SNTB2: variants seen among roughly 807,000 people sequenced by gnomAD.
SNTB2 encodes the protein syntrophin beta 2.
In SNTB2, 34 loss-of-function variants were observed where a neutral mutation model predicts 46.2. That is an observed-to-expected ratio of 0.74 (90% CI 0.56 to 0.98). The LOEUF (loss-of-function observed/expected upper bound fraction) is 0.98. Ranked by LOEUF, SNTB2 falls within the 50% of genes least tolerant of loss-of-function variation. The pLI is 0.00. For missense variants in SNTB2, 603 were observed against 731.4 expected (o/e 0.82, Z 2.02); for synonymous variants, 290 against 312.6 (o/e 0.93, Z 0.76).
intron 1 of SNTB2, among the ~76,000 whole-genome samples, chr16:69,231,613 G>A (rs1043351827): frequency 2.2e-4 from 33 of 152,044 alleles, no homozygotes; most frequent in African/African-American, 7.7e-4. Context: ...AAACAAAACA[G>A]ATGTAGCCTA....
At chr16:69,255,217 C>T (rs1964761720) in intron 2 of SNTB2, among the ~76,000 whole-genome samples, 1 of 152,028 alleles carries the variant, frequency 6.6e-6, no homozygotes, top group Admixed American at 6.6e-5. Flanking sequence ...CCCGCCTCAG[C>T]CTCGCTAGTA....
chr16:69,291,102 A>T (rs998847998), intron 5 of SNTB2, among the ~76,000 whole-genome samples: 4 of 152,230 alleles, frequency 2.6e-5, no homozygotes, highest in Non-Finnish European at 5.9e-5. Context: ...GACCCTGGGC[A>T]TGATGAACCT....
intron 1 of SNTB2, among the ~76,000 whole-genome samples, chr16:69,212,229 C>T (rs1403522473): frequency 2.0e-5 from 3 of 152,134 alleles, no homozygotes; most frequent in African/African-American, 4.8e-5. Flanking sequence ...TGGGACTCTT[C>T]TACTTGTCTT....
chr16:69,198,510 G>C (rs1964127799), intron 1 of SNTB2, among the ~76,000 whole-genome samples: 1 of 152,146 alleles, frequency 6.6e-6, no homozygotes, highest in Non-Finnish European at 1.5e-5. Flanking sequence ...GGAAGATGTA[G>C]TCCATTCTTA....
intron 1 of SNTB2, among the ~76,000 whole-genome samples, chr16:69,214,471 G>A (rs2152292642): frequency 6.6e-6 from 1 of 151,886 alleles, no homozygotes; most frequent in Non-Finnish European, 1.5e-5. Context: ...TTTGTGTAGT[G>A]TGTTGTGGCT....
At chr16:69,284,428 C>A (rs1947043865) in intron 5 of SNTB2, among the ~76,000 whole-genome samples, 184 bp downstream of exon 5, 2 of 135,404 alleles carry the variant, frequency 1.5e-5, no homozygotes, top group South Asian at 4.5e-4. Context: ...ACAAATGCAG[C>A]CTGGGCAACA....
chr16:69,266,190 C>A (rs1481274390), intron 3 of SNTB2, among the ~76,000 whole-genome samples: 1 of 152,250 alleles, frequency 6.6e-6, no homozygotes, highest in East Asian at 1.9e-4. Context: ...CATGGCTAAA[C>A]CCCATCTCTA....
rs187122144 is a variant in SNTB2, at chr16:69,304,645, A to G, written c.*3721A>G. 2 of 151,990 alleles carry G rather than the reference A, an allele frequency of 1.3e-5. No homozygotes were observed. The highest frequency in any genetic ancestry group is 6.6e-5 in the Admixed American group (1 of 15,248). The allele number at this position is 151,990 out of a possible 1,614,324, so 9.4% of individuals were successfully genotyped here. A position where few individuals can be genotyped will look rare whatever the true frequency, so the allele number is the denominator to read the frequency against. The stretch of plus-strand genomic sequence containing the variant: ...CTGAATGAATGCACTTAGCTGATAA[A>G]CCAGAATTTGTTCTTTTTTTTCCTT... On this transcript the variant is annotated 3_prime_UTR_variant, in exon 7 of 7. Coordinates refer to ENST00000336278, the MANE Select transcript of SNTB2 (RefSeq NM_006750.4).
chr16:69,204,655 A>G (rs1331127373), intron 1 of SNTB2, among the ~76,000 whole-genome samples: 2 of 152,228 alleles, frequency 1.3e-5, no homozygotes, highest in Non-Finnish European at 2.9e-5. Context: ...TGGGAAAACT[A>G]AAACATACTA....
intron 1 of SNTB2, among the ~76,000 whole-genome samples, chr16:69,214,672 G>A (rs922411671): frequency 6.7e-6 from 1 of 148,608 alleles, no homozygotes; most frequent in African/African-American, 2.5e-5. Flanking sequence ...GATTACAGGC[G>A]CCTGCCACCA....
chr16:69,289,038 GGC>G (rs951244931), intron 5 of SNTB2, among the ~76,000 whole-genome samples: 5 of 152,080 alleles, frequency 3.3e-5, no homozygotes, highest in African/African-American at 9.7e-5. Flanking sequence ...GGGAGGCCGA[GGC>G]GCGCGGATCA....
chr16:69,202,306 C>T (rs1374202987), intron 1 of SNTB2, among the ~76,000 whole-genome samples: 1 of 150,718 alleles, frequency 6.6e-6, no homozygotes, highest in African/African-American at 2.5e-5. Flanking sequence ...GTAGGCATTA[C>T]TTTGAACAAA....
intron 1 of SNTB2, among the ~76,000 whole-genome samples, chr16:69,218,423 C>CTTT (rs574555246): frequency 3.4e-5 from 5 of 145,192 alleles, no homozygotes; most frequent in Non-Finnish European, 4.6e-5. Context: ...TCTTCTTCTT[C>CTTT]TTTTTTTTTT....
intron 1 of SNTB2, among the ~76,000 whole-genome samples, chr16:69,208,980 G>A (rs991206645): frequency 2.6e-5 from 4 of 152,030 alleles, no homozygotes; most frequent in Non-Finnish European, 5.9e-5. Flanking sequence ...GAGTGTGTGT[G>A]TGTGTGTGTG....
intron 2 of SNTB2, among the ~76,000 whole-genome samples, chr16:69,252,903 G>GTTTT (rs35211076): frequency 7.5e-6 from 1 of 133,288 alleles, no homozygotes; most frequent in Non-Finnish European, 1.6e-5. Context: ...CCCTTTGTCA[G>GTTTT]TTTTTTTTTT....
chr16:69,218,022 G>C (rs1964365464), intron 1 of SNTB2, among the ~76,000 whole-genome samples: 2 of 152,098 alleles, frequency 1.3e-5, no homozygotes, highest in Non-Finnish European at 2.9e-5. Context: ...TACACTTGGA[G>C]TTAATAGTTA....
intron 1 of SNTB2, among the ~76,000 whole-genome samples, chr16:69,214,664 T>C (rs1379168500): frequency 2.6e-5 from 4 of 151,036 alleles, no homozygotes; most frequent in East Asian, 2.0e-4. Flanking sequence ...GTAGCTGGGA[T>C]TACAGGCGCC....
intron 1 of SNTB2, among the ~76,000 whole-genome samples, chr16:69,212,398 G>A (rs1964297310): frequency 6.6e-6 from 1 of 151,992 alleles, no homozygotes; most frequent in African/African-American, 2.4e-5. Context: ...GACTGCAGTG[G>A]CGTGATCTCA....
At chr16:69,274,732 A>G (rs1324621573) in intron 4 of SNTB2, among the ~76,000 whole-genome samples, 1 of 151,646 alleles carries the variant, frequency 6.6e-6, no homozygotes, top group African/African-American at 2.4e-5. Flanking sequence ...GGGAGGCTGG[A>G]AGAGTCACTT....
Sources: allele counts gnomAD v4.1 joint callset (sites outside exome capture counted in the v4.1 genomes callset), GRCh38; gene constraint gnomAD v4.1.1; transcripts MANE v1.5; gene names NCBI Gene and HGNC (gene_info 2026-07-23, HGNC 2026-07-21).